Variants in PDE7B observed in about 807,000 individuals in gnomAD.
PDE7B encodes the protein 3',5'-cyclic-AMP phosphodiesterase 7B.
A neutral mutation model predicts 56.2 loss-of-function variants in PDE7B; 29 were observed. The observed-to-expected ratio is 0.52, with a 90% CI of 0.38 to 0.70. PDE7B has a LOEUF of 0.70. Ranked by LOEUF, PDE7B falls within the 30% of genes least tolerant of loss-of-function variation. The pLI is 0.00. For missense variants in PDE7B, 490 were observed against 565.0 expected, an observed-to-expected ratio of 0.87 and a Z score of 1.35; for synonymous variants, 197 against 196.9, an observed-to-expected ratio of 1.00 and a Z score of 0.00.
intron 2 of PDE7B, among the ~76,000 whole-genome samples, chr6:136,068,333 T>C (rs1776981644): frequency 6.6e-6 from 1 of 151,990 alleles, no homozygotes; most frequent in Non-Finnish European, 1.5e-5. Context: ...AAAGATTTTC[T>C]GATAGGCAAT....
chr6:136,086,141 T>C (rs1355330513), intron 2 of PDE7B, among the ~76,000 whole-genome samples: 1 of 152,242 alleles, frequency 6.6e-6, no homozygotes, highest in African/African-American at 2.4e-5. Context: ...AGGAGAATTC[T>C]TTCCATTATT....
chr6:135,929,785 T>G (rs1774260329), intron 1 of PDE7B, among the ~76,000 whole-genome samples: 2 of 152,090 alleles, frequency 1.3e-5, no homozygotes, highest in Admixed American at 1.3e-4. Context: ...GACAGAACAG[T>G]GGAGGTTCAT....
chr6:136,000,599 G>T (rs1775648029), intron 2 of PDE7B, among the ~76,000 whole-genome samples: 1 of 152,074 alleles, frequency 6.6e-6, no homozygotes, highest in Non-Finnish European at 1.5e-5. Flanking sequence ...TTTGTTCCAT[G>T]TATCTATGTA....
At chr6:136,007,964 C>T (rs542685956) in intron 2 of PDE7B, among the ~76,000 whole-genome samples, 1 of 151,998 alleles carries the variant, frequency 6.6e-6, no homozygotes, top group African/African-American at 2.4e-5. Context: ...GGTATATCTC[C>T]TAATGCTATC....
chr6:135,887,138 A>T (rs1238453562), intron 1 of PDE7B, among the ~76,000 whole-genome samples: 1 of 151,858 alleles, frequency 6.6e-6, no homozygotes, highest in Non-Finnish European at 1.5e-5. Context: ...ATTTTTTCAT[A>T]TGTTTGTTGG....
chr6:135,852,993 A>G (rs915824139), intron 1 of PDE7B, among the ~76,000 whole-genome samples: 1 of 152,224 alleles, frequency 6.6e-6, no homozygotes, highest in Non-Finnish European at 1.5e-5. Context: ...TCAGTGGCAC[A>G]TTATTATGTC....
chr6:135,871,928 A>G (rs1018617488), intron 1 of PDE7B, among the ~76,000 whole-genome samples: 4 of 152,226 alleles, frequency 2.6e-5, no homozygotes, highest in Non-Finnish European at 4.4e-5. Flanking sequence ...AATGATTCTT[A>G]GGAAACTATG....
chr6:135,996,669 C>T (rs893296247), intron 2 of PDE7B, among the ~76,000 whole-genome samples: 3 of 152,148 alleles, frequency 2.0e-5, no homozygotes, highest in Non-Finnish European at 2.9e-5. Context: ...GTGTCAAATG[C>T]TAAACAGCAG....
intron 1 of PDE7B, among the ~76,000 whole-genome samples, chr6:135,874,072 A>C (rs1302146048): frequency 6.6e-6 from 1 of 152,142 alleles, no homozygotes; most frequent in Non-Finnish European, 1.5e-5. Flanking sequence ...ATGGGCATGA[A>C]ATTTTTAAGA....
intron 3 of PDE7B, among the ~76,000 whole-genome samples, chr6:136,130,683 A>G (rs1235634902): frequency 6.6e-6 from 1 of 152,160 alleles, no homozygotes; most frequent in Non-Finnish European, 1.5e-5. Context: ...AGAAACACTC[A>G]CTTAAATCTT....
At chr6:136,130,209 C>T (rs1186180815) in intron 3 of PDE7B, among the ~76,000 whole-genome samples, 2 of 152,156 alleles carry the variant, frequency 1.3e-5, no homozygotes, top group African/African-American at 4.8e-5. Context: ...AACTCTCAAG[C>T]CCATATGGGA....
Position 135,935,190 on chromosome 6 carries a change from TTATATA to T in PDE7B, c.22-12252_22-12247del, listed in dbSNP as rs60829896. Among the ~76,000 whole-genome samples, 12 of 36,192 alleles carry T rather than the reference TTATATA, an allele frequency of 3.3e-4. 2 individuals are homozygous for T. Among genetic ancestry groups the T allele is most frequent in the African/African-American group, 1.2e-3 (10 of 8,350 alleles). The allele number at this position is 36,192 out of a possible 152,430, so 23.7% of individuals were successfully genotyped here. ...GAGAATTTTATATATATATATTTAT[TTATATA>T]TATATATATATATATATATATTTTC... On this transcript the variant is annotated intron_variant, in intron 1 of 12. Transcript: ENST00000308191.
At chr6:136,180,737 G>A (rs766894844) in intron 10 of PDE7B, among the ~76,000 whole-genome samples, 1 of 152,222 alleles carries the variant, frequency 6.6e-6, no homozygotes, top group Non-Finnish European at 1.5e-5. Flanking sequence ...AAGCATTCCT[G>A]GGTTTGATAC....
At position 136,194,393 on chromosome 6, in the gene PDE7B, A is replaced by G. The variant is rs983723125; in HGVS notation, c.*2553A>G. On this transcript the variant is annotated 3_prime_UTR_variant, in exon 13 of 13. Coordinates refer to ENST00000308191, the MANE Select transcript of PDE7B (RefSeq NM_018945.4). ...CAGAGAAAAAACTACCAAATATCCA[A>G]TGGGTAAGCCCATGATGTAGCCACT... 6 of 152,346 alleles carry G rather than the reference A, an allele frequency of 3.9e-5. No individual in the cohort carries two copies. Among genetic ancestry groups the G allele is most frequent in the South Asian group, 2.1e-4 (1 of 4,826 alleles). The allele number at this position is 152,346 out of a possible 1,614,324, so 9.4% of individuals were successfully genotyped here. A position where few individuals can be genotyped will look rare whatever the true frequency, so the allele number is the denominator to read the frequency against.
chr6:136,039,666 C>T (rs1349083110), intron 2 of PDE7B, among the ~76,000 whole-genome samples: 1 of 151,978 alleles, frequency 6.6e-6, no homozygotes, highest in Non-Finnish European at 1.5e-5. Flanking sequence ...GGTTGGTCTC[C>T]AGTAAACAAT....
chr6:135,934,847 T>TATATATATATTTAA (rs1774374408), intron 1 of PDE7B, among the ~76,000 whole-genome samples: 1 of 100,888 alleles, frequency 9.9e-6, no homozygotes, highest in African/African-American at 3.9e-5. Flanking sequence ...ATATATTTAT[T>TATATATATATTTAA]TAAATAAATA....
intron 8 of PDE7B, among the ~76,000 whole-genome samples, chr6:136,156,995 G>A (rs1778620148): frequency 6.6e-6 from 1 of 152,150 alleles, no homozygotes; most frequent in Non-Finnish European, 1.5e-5. Flanking sequence ...AAATGCCTTT[G>A]ATGTAGTATA....
intron 2 of PDE7B, among the ~76,000 whole-genome samples, chr6:136,107,817 G>A (rs530740189): frequency 1.3e-5 from 2 of 152,126 alleles, no homozygotes; most frequent in Non-Finnish European, 1.5e-5. Context: ...AAAGGAAAAC[G>A]AACACAGATA....
intron 1 of PDE7B, among the ~76,000 whole-genome samples, chr6:135,859,872 A>T (rs996154539): frequency 2.9e-4 from 44 of 152,184 alleles, no homozygotes; most frequent in African/African-American, 1.0e-3. Flanking sequence ...AATGAGTAAT[A>T]ATTTAAAATT....
Sources: gnomAD v4.1 joint callset for allele counts (sites outside exome capture counted in the v4.1 genomes callset) on GRCh38, gnomAD v4.1.1 for gene constraint, MANE v1.5 for transcripts, NCBI Gene and HGNC (gene_info 2026-07-23, HGNC 2026-07-21) for gene names.